Variants in PIK3CD observed in about 807,000 individuals in gnomAD.
PIK3CD encodes the protein phosphatidylinositol 4,5-bisphosphate 3-kinase catalytic subunit delta isoform.
In PIK3CD, 20 loss-of-function variants were observed where a neutral mutation model predicts 122.9. That is an observed-to-expected ratio of 0.16 (90% CI 0.11 to 0.24). The LOEUF (loss-of-function observed/expected upper bound fraction) is 0.24, where lower values mean the gene tolerates loss of function less well. PIK3CD is among the 10% of genes least tolerant of loss of function. The probability of loss-of-function intolerance (pLI) is 1.00; values close to 1 mark genes in which losing one functional copy is unlikely to be tolerated. For missense variants in PIK3CD, 787 were observed against 1,406.3 expected, an observed-to-expected ratio of 0.56 and a Z score of 7.04; for synonymous variants, 596 against 593.4, an observed-to-expected ratio of 1.00 and a Z score of -0.06.
At chr1:9,678,144 CAAA>C (rs58400420) in intron 1 of PIK3CD, among the ~76,000 whole-genome samples, 14 of 134,086 alleles carry the variant, frequency 1.0e-4, no homozygotes, top group Admixed American at 1.5e-4. Flanking sequence ...AACTCCATCT[CAAA>C]AAAAAAAAAA....
chr1:9,655,641 G>A (rs1396114901), intron 1 of PIK3CD, among the ~76,000 whole-genome samples: 2 of 151,514 alleles, frequency 1.3e-5, no homozygotes, highest in African/African-American at 2.4e-5. Flanking sequence ...CCTCGGATAA[G>A]GGTCAGGGCT....
At position 9,718,664 on chromosome 1, in the gene PIK3CD, C is replaced by A; in HGVS notation, c.1021-30C>A. The A allele has an allele frequency of 6.3e-7, 1 of 1,592,146 alleles. No individual in the cohort carries two copies. The highest frequency in any genetic ancestry group is 8.5e-7 in the Non-Finnish European group (1 of 1,172,350). On this transcript the variant is annotated intron_variant, in intron 8 of 23. Coordinates refer to ENST00000377346, the MANE Select transcript of PIK3CD (RefSeq NM_005026.5). This position sits in a 1 kb window ranked among gnomAD's most constrained non-coding sequence, Gnocchi z 7.2. ...GGGGAGAGGGGCTGGGCCTCTGCCT[C>A]CTCACCCATCATCCCGGCACCTTCT...
chr1:9,630,739 T>TGTGTGTGC, the PIK3CD span, among the ~76,000 whole-genome samples: 121 of 150,962 alleles, frequency 8.0e-4, 2 homozygotes, highest in African/African-American at 2.7e-3. Flanking sequence ...TGTGTGTGTG[T>TGTGTGTGC]GCAGAAGAGG....
the PIK3CD span, among the ~76,000 whole-genome samples, chr1:9,640,206 T>G: frequency 1.3e-5 from 2 of 152,114 alleles, no homozygotes; most frequent in Admixed American, 1.3e-4. Context: ...GTTTCATCTG[T>G]CCGTTTCTTG....
At chr1:9,712,052 A>T (rs1647075283) in intron 3 of PIK3CD, among the ~76,000 whole-genome samples, 1 of 151,540 alleles carries the variant, frequency 6.6e-6, no homozygotes, top group African/African-American at 2.4e-5. Context: ...GCCCACCACC[A>T]CGCCCGGCTA....
At chr1:9,716,110 C>T (rs1647381386) in intron 5 of PIK3CD, 32 bp downstream of exon 5, 4 of 1,549,254 alleles carry the variant, frequency 2.6e-6, no homozygotes, top group Non-Finnish European at 3.5e-6. Context: ...GGCATCCAGG[C>T]TGCTCTGTCC....
intron 1 of PIK3CD, among the ~76,000 whole-genome samples, chr1:9,674,201 G>A (rs1645427398): frequency 6.6e-6 from 1 of 152,216 alleles, no homozygotes; most frequent in Non-Finnish European, 1.5e-5. Context: ...GCTCCAGAAA[G>A]GGGGCATCAG....
chr1:9,641,646 C>T, the PIK3CD span, among the ~76,000 whole-genome samples: 1 of 152,110 alleles, frequency 6.6e-6, no homozygotes, highest in Non-Finnish European at 1.5e-5. Context: ...TCTGCTCTGG[C>T]CCAGAATCAA....
At chr1:9,707,344 G>C (rs1646876155) in intron 2 of PIK3CD, among the ~76,000 whole-genome samples, 2 of 148,408 alleles carry the variant, frequency 1.3e-5, no homozygotes, top group Non-Finnish European at 3.0e-5. Context: ...TTTTCCTTGA[G>C]TGTTACATTT....
In PIK3CD at chr1:9,715,396, CAG is replaced by C; in HGVS notation, c.142-140_142-139del. On this transcript the variant is annotated intron_variant, in intron 3 of 23. Coordinates refer to ENST00000377346, the MANE Select transcript of PIK3CD (RefSeq NM_005026.5). The surrounding 1 kb of genome is among the most constrained non-coding windows in gnomAD (Gnocchi z 4.1). ...CCCATGGTCAGCACCCAGGGGGCTGCAGAGAGTGCAGATCTTGGGGTCTGCCT... is the reference window on the plus strand; with the variant it reads ...CCCATGGTCAGCACCCAGGGGGCTGCAGAGTGCAGATCTTGGGGTCTGCCT... The C allele has an allele frequency of 1.4e-6, 1 of 691,016 alleles. No homozygotes were observed. The highest frequency in any genetic ancestry group is 2.6e-6 in the Non-Finnish European group (1 of 390,558). 42.8% of individuals were successfully genotyped at this position (691,016 alleles called of 1,614,324 possible).
At chr1:9,699,872 C>T (rs1008156247) in intron 2 of PIK3CD, among the ~76,000 whole-genome samples, 2 of 152,202 alleles carry the variant, frequency 1.3e-5, no homozygotes, top group Non-Finnish European at 1.5e-5. Flanking sequence ...GGATTACAGG[C>T]GTGAGCCACC....
chr1:9,722,513 C>T lies in PIK3CD; in HGVS notation c.2348-15C>T, dbSNP rs763935039. On this transcript the variant is annotated splice_polypyrimidine_tract_variant and intron_variant, in intron 18 of 23. Transcript: ENST00000377346. This position sits in a 1 kb window ranked among gnomAD's most constrained non-coding sequence, Gnocchi z 7.6. ...CAGAAACTCACGCTTCTCCTCCCAC[C>T]GGCCGGTGGCACAGACCTCCGGCAG... 60 of 1,610,892 alleles carry T rather than the reference C, an allele frequency of 3.7e-5. No individual in the cohort carries two copies. Among genetic ancestry groups the T allele is most frequent in the Middle Eastern group, 1.6e-4 (1 of 6,082 alleles).
At chr1:9,678,030 G>T (rs369178267) in intron 1 of PIK3CD, among the ~76,000 whole-genome samples, 3 of 151,982 alleles carry the variant, frequency 2.0e-5, no homozygotes, top group Non-Finnish European at 4.4e-5. Context: ...TGTAATCCCA[G>T]CTGCTTGGGA....
chr1:9,656,943 A>G (rs1196762420), intron 1 of PIK3CD, among the ~76,000 whole-genome samples: 1 of 7,438 alleles, frequency 1.3e-4, no homozygotes, highest in Non-Finnish European at 3.5e-4. Context: ...ACTCCATCTC[A>G]AAAAAAAAAA....
Position 9,715,291 on chromosome 1 carries a change from T to A in PIK3CD, c.142-250T>A, listed in dbSNP as rs185441057. Among the ~76,000 whole-genome samples the A allele has an allele frequency of 3.9e-5, 6 of 152,318 alleles. No homozygotes were observed. Among genetic ancestry groups the A allele is most frequent in the African/African-American group, 1.4e-4 (6 of 41,584 alleles). ...GGTCCTGCACTCTGGGAGGGGAGCC[T>A]GTAGGACGTGGTGCCAGCCCCAGAT... On this transcript the variant is annotated intron_variant, in intron 3 of 23. Coordinates refer to ENST00000377346, the MANE Select transcript of PIK3CD (RefSeq NM_005026.5). The surrounding 1 kb of genome is among the most constrained non-coding windows in gnomAD (Gnocchi z 4.1).
Position 9,689,371 on chromosome 1 carries a change from C to T in PIK3CD, c.-137-2096C>T, listed in dbSNP as rs780034534. ...GGGAGGATTTGCAGCGTCCACTCCT[C>T]TCTCCGCCGCCCGTGTGAGCTCGGG... On this transcript the variant is annotated intron_variant, in intron 1 of 23. Coordinates refer to ENST00000377346, the MANE Select transcript of PIK3CD (RefSeq NM_005026.5). The surrounding 1 kb of genome is among the most constrained non-coding windows in gnomAD (Gnocchi z 6.1). 2.0e-5 allele frequency among the ~76,000 whole-genome samples: 3 copies of T among 151,996 alleles called. No homozygotes were observed. Among genetic ancestry groups the T allele is most frequent in the Non-Finnish European group, 4.4e-5 (3 of 67,930 alleles).
chr1:9,645,447 AT>A, the PIK3CD span, among the ~76,000 whole-genome samples: 1 of 151,388 alleles, frequency 6.6e-6, no homozygotes, highest in African/African-American at 2.4e-5. Context: ...CTTCTATTTT[AT>A]TTTATTTATT....
chr1:9,630,202 G>A, the PIK3CD span, among the ~76,000 whole-genome samples: 1 of 152,218 alleles, frequency 6.6e-6, no homozygotes, highest in Non-Finnish European at 1.5e-5. Flanking sequence ...GTGATACCAG[G>A]GGCAGAGGGA....
upstream of PIK3CD, among the ~76,000 whole-genome samples, chr1:9,650,761 T>G (rs1212986009): frequency 1.3e-5 from 2 of 152,222 alleles, no homozygotes; most frequent in Non-Finnish European, 2.9e-5. Flanking sequence ...TGTCTTCTTA[T>G]GCGGATAAAA....
Sources: gnomAD v4.1 joint callset for allele counts (sites outside exome capture counted in the v4.1 genomes callset) on GRCh38, gnomAD v4.1.1 for gene constraint, Gnocchi (gnomAD v3.1) non-coding constraint, MANE v1.5 for transcripts, NCBI Gene and HGNC (gene_info 2026-07-23, HGNC 2026-07-21) for gene names.